Variants in ZNF385B observed in about 807,000 individuals in gnomAD.
ZNF385B encodes zinc finger protein 533.
ZNF385B carries 23 observed loss-of-function variants against 39.2 expected under a neutral mutation model. That is an observed-to-expected ratio of 0.59 (90% CI 0.42 to 0.83). ZNF385B has a LOEUF of 0.83. ZNF385B is among the 40% of genes least tolerant of loss of function. The pLI, the probability that ZNF385B is intolerant of heterozygous loss-of-function variation, is 0.00. For synonymous variants in ZNF385B, 205 were observed against 222.6 expected, an observed-to-expected ratio of 0.92 and a Z score of 0.70; for missense variants, 552 against 598.9, an observed-to-expected ratio of 0.92 and a Z score of 0.82.
intron 6 of ZNF385B, among the ~76,000 whole-genome samples, chr2:179,475,257 T>C (rs934504424): frequency 3.3e-5 from 5 of 150,750 alleles, no homozygotes; most frequent in African/African-American, 1.2e-4. Context: ...CACAATTTTT[T>C]TTTTTTTTTT....
intron 3 of ZNF385B, among the ~76,000 whole-genome samples, chr2:179,652,045 C>T (rs1446437336): frequency 6.6e-6 from 1 of 152,112 alleles, no homozygotes; most frequent in East Asian, 1.9e-4. Context: ...AAAAACAGAA[C>T]TGAGCTCCAT....
chr2:179,798,433 T>C (rs957322279), intron 1 of ZNF385B, among the ~76,000 whole-genome samples: 4 of 152,106 alleles, frequency 2.6e-5, no homozygotes, highest in African/African-American at 9.7e-5. Context: ...ATTTTTTAAA[T>C]AAAATACATC....
intron 6 of ZNF385B, among the ~76,000 whole-genome samples, chr2:179,447,421 T>G (rs184827512): frequency 3.0e-4 from 45 of 152,264 alleles, no homozygotes; most frequent in Non-Finnish European, 7.4e-5. Context: ...ATAAGCACAA[T>G]ATGAAGATTA....
At chr2:179,846,187 T>C (rs1328390330) in intron 1 of ZNF385B, among the ~76,000 whole-genome samples, 1 of 152,250 alleles carries the variant, frequency 6.6e-6, no homozygotes, top group Non-Finnish European at 1.5e-5. Context: ...CATAGTCTTA[T>C]AAAACATCTG....
chr2:179,556,543 A>G (rs2060916251), intron 3 of ZNF385B, among the ~76,000 whole-genome samples: 1 of 149,774 alleles, frequency 6.7e-6, no homozygotes, highest in African/African-American at 2.5e-5. Context: ...TTTCTAAATT[A>G]CTAAGTCTTT....
intron 3 of ZNF385B, among the ~76,000 whole-genome samples, chr2:179,704,937 C>A (rs1451084146): frequency 6.6e-6 from 1 of 152,156 alleles, no homozygotes; most frequent in Non-Finnish European, 1.5e-5. Context: ...AGCTATCTAA[C>A]ACTTGGTCAC....
intron 3 of ZNF385B, among the ~76,000 whole-genome samples, chr2:179,614,582 G>A (rs1038177886): frequency 5.9e-5 from 9 of 152,172 alleles, no homozygotes; most frequent in African/African-American, 1.7e-4. Context: ...GTATCAAGGA[G>A]GTAAAGCCAA....
At chr2:179,544,776 A>G in intron 4 of ZNF385B, 51 bp downstream of exon 4, 1 of 1,607,696 alleles carries the variant, frequency 6.2e-7, no homozygotes. Flanking sequence ...TCACAAATGT[A>G]ATGAAATTGA....
At chr2:179,446,421 C>T in intron 7 of ZNF385B, 104 bp downstream of exon 7, 1 of 1,437,656 alleles carries the variant, frequency 7.0e-7, no homozygotes, top group Non-Finnish European at 9.3e-7. Context: ...AGTAGAGAAG[C>T]ATGGAACAAA....
chr2:179,832,443 T>C (rs921654978), intron 1 of ZNF385B, among the ~76,000 whole-genome samples: 3 of 152,188 alleles, frequency 2.0e-5, no homozygotes, highest in Non-Finnish European at 2.9e-5. Context: ...AGTTAATGTA[T>C]ATAAACCTTT....
chr2:179,828,046 T>C (rs1349930421), intron 1 of ZNF385B, among the ~76,000 whole-genome samples: 1 of 152,210 alleles, frequency 6.6e-6, no homozygotes, highest in African/African-American at 2.4e-5. Flanking sequence ...AAGTATTGTG[T>C]TTTTATGAAT....
intron 1 of ZNF385B, among the ~76,000 whole-genome samples, chr2:179,812,197 G>A (rs1706777594): frequency 7.1e-6 from 1 of 140,690 alleles, no homozygotes; most frequent in Non-Finnish European, 1.6e-5. Context: ...TGGAGGGAAT[G>A]TAAATTCGTT....
At chr2:179,472,442 C>T (rs189888577) in intron 6 of ZNF385B, among the ~76,000 whole-genome samples, 1 of 152,174 alleles carries the variant, frequency 6.6e-6, no homozygotes, top group Admixed American at 6.5e-5. Flanking sequence ...GTGGATATGG[C>T]CATTTTGCTT....
chr2:179,764,697 CTA>C (rs1703590874), intron 3 of ZNF385B, among the ~76,000 whole-genome samples: 2 of 152,116 alleles, frequency 1.3e-5, no homozygotes, highest in Non-Finnish European at 2.9e-5. Context: ...TTTAACTTTC[CTA>C]CTTTCAAATA....
intron 1 of ZNF385B, among the ~76,000 whole-genome samples, chr2:179,824,715 G>C (rs1707583163): frequency 6.6e-6 from 1 of 151,854 alleles, no homozygotes; most frequent in South Asian, 2.1e-4. Context: ...GAACACATAT[G>C]GAAGGGCATA....
At chr2:179,554,692 G>A (rs2060792575) in intron 3 of ZNF385B, among the ~76,000 whole-genome samples, 1 of 148,996 alleles carries the variant, frequency 6.7e-6, no homozygotes, top group Non-Finnish European at 1.5e-5. Flanking sequence ...ATGGGCAAAA[G>A]AGTTGGATAC....
In ZNF385B at chr2:179,442,223, A is replaced by AT. The variant is rs1190080358; in HGVS notation, c.*1026dup. The AT allele has an allele frequency of 2.0e-5, 3 of 152,622 alleles. No homozygotes were observed. The highest frequency in any genetic ancestry group is 2.9e-5 in the Non-Finnish European group (2 of 68,036). The allele number at this position is 152,622 out of a possible 1,614,324, so 9.5% of individuals were successfully genotyped here. On this transcript the variant is annotated 3_prime_UTR_variant, in exon 10 of 10. Transcript: ENST00000410066. ...AGAAAGACAAATTGTTCAATTATAA[A>AT]TTTTTTTATCTTCTGTACATTATTG...
chr2:179,754,885 C>G (rs1049702599), intron 3 of ZNF385B, among the ~76,000 whole-genome samples: 2 of 152,106 alleles, frequency 1.3e-5, no homozygotes, highest in African/African-American at 4.8e-5. Context: ...AAAACCAGCT[C>G]TTGGATTCAT....
chr2:179,615,769 GT>G (rs1558984695), intron 3 of ZNF385B, among the ~76,000 whole-genome samples: 1 of 152,182 alleles, frequency 6.6e-6, no homozygotes, highest in Admixed American at 6.5e-5. Flanking sequence ...GAATCAGACT[GT>G]CTGGGCTGGA....
Sources: gnomAD v4.1 joint callset for allele counts (sites outside exome capture counted in the v4.1 genomes callset) on GRCh38, gnomAD v4.1.1 for gene constraint, MANE v1.5 for transcripts, NCBI Gene and HGNC (gene_info 2026-07-23, HGNC 2026-07-21) for gene names.